SORCS3: variants seen among roughly 807,000 people sequenced by gnomAD.
SORCS3 encodes the protein sortilin related VPS10 domain containing receptor 3, also known as VPS10 domain-containing receptor SorCS3.
A neutral mutation model predicts 146.3 loss-of-function variants in SORCS3; 57 were observed. The ratio of observed to expected loss-of-function variants is 0.39; its 90% confidence interval spans 0.31 to 0.49. SORCS3 has a LOEUF of 0.49. Among genes scored for constraint, SORCS3 ranks in the 20% least tolerant of loss-of-function variants. The probability of loss-of-function intolerance (pLI) is 0.92; values close to 1 mark genes in which losing one functional copy is unlikely to be tolerated. For synonymous variants in SORCS3, 653 were observed against 618.5 expected (o/e 1.06, Z -0.83); for missense variants, 1,341 against 1,575.5 (o/e 0.85, Z 2.52).
intron 1 of SORCS3, among the ~76,000 whole-genome samples, chr10:104,713,882 G>A (rs1193195210): frequency 6.6e-6 from 1 of 152,060 alleles, no homozygotes; most frequent in African/African-American, 2.4e-5. Context: ...AAAGCATCAG[G>A]CCTGGTGATT....
intron 7 of SORCS3, among the ~76,000 whole-genome samples, chr10:105,122,606 G>A (rs2055942285): frequency 6.6e-6 from 1 of 152,200 alleles, no homozygotes; most frequent in Admixed American, 6.5e-5. Flanking sequence ...GCATGTGATA[G>A]TCACAAGACG....
At chr10:104,710,743 A>G (rs989188791) in intron 1 of SORCS3, among the ~76,000 whole-genome samples, 2 of 150,558 alleles carry the variant, frequency 1.3e-5, no homozygotes, top group Non-Finnish European at 1.5e-5. Flanking sequence ...TGTGGCTCAT[A>G]GGAGCTTTCT....
At chr10:104,886,126 T>C (rs1197380213) in intron 2 of SORCS3, among the ~76,000 whole-genome samples, 1 of 152,200 alleles carries the variant, frequency 6.6e-6, no homozygotes, top group Non-Finnish European at 1.5e-5. Flanking sequence ...CCATGCTCCA[T>C]AGTCCTTAAA....
intron 4 of SORCS3, among the ~76,000 whole-genome samples, chr10:105,021,979 G>A (rs1307410201): frequency 6.6e-6 from 1 of 152,168 alleles, no homozygotes; most frequent in African/African-American, 2.4e-5. Context: ...TTCCAACTAT[G>A]ACATTTTGGA....
At chr10:104,834,862 T>C (rs2018047958) in intron 1 of SORCS3, among the ~76,000 whole-genome samples, 1 of 152,010 alleles carries the variant, frequency 6.6e-6, no homozygotes, top group Admixed American at 6.6e-5. Flanking sequence ...GTCAATGTAG[T>C]ACACCCCAAC....
chr10:105,067,792 A>G (rs566287844), intron 5 of SORCS3, among the ~76,000 whole-genome samples: 2 of 151,862 alleles, frequency 1.3e-5, no homozygotes, highest in Non-Finnish European at 2.9e-5. Flanking sequence ...ACGGTTGTCT[A>G]CTTCCTTCAG....
intron 1 of SORCS3, among the ~76,000 whole-genome samples, chr10:104,692,445 G>A (rs2016124927): frequency 6.6e-6 from 1 of 152,124 alleles, no homozygotes; most frequent in Non-Finnish European, 1.5e-5. Flanking sequence ...TTGGACCATG[G>A]CTTATATTAC....
intron 1 of SORCS3, among the ~76,000 whole-genome samples, chr10:104,646,116 C>G (rs2015492668): frequency 6.6e-6 from 1 of 152,170 alleles, no homozygotes; most frequent in Non-Finnish European, 1.5e-5. Context: ...TGCTCCTGGT[C>G]ATTGTTGGTC....
chr10:104,899,315 G>A (rs2018828881), intron 2 of SORCS3, among the ~76,000 whole-genome samples: 1 of 152,142 alleles, frequency 6.6e-6, no homozygotes, highest in South Asian at 2.1e-4. Flanking sequence ...GGAGATTCCT[G>A]CCATATAAAA....
chr10:104,875,670 C>G (rs192630046), intron 2 of SORCS3, among the ~76,000 whole-genome samples: 1 of 152,138 alleles, frequency 6.6e-6, no homozygotes, highest in Admixed American at 6.5e-5. Context: ...CCCAGCTGCT[C>G]TAATGAAATT....
intron 5 of SORCS3, among the ~76,000 whole-genome samples, chr10:105,050,386 A>G (rs2055402469): frequency 6.6e-6 from 1 of 152,140 alleles, no homozygotes; most frequent in Non-Finnish European, 1.5e-5. Context: ...ACTTGCTCAA[A>G]GCAAGCTACC....
intron 8 of SORCS3, among the ~76,000 whole-genome samples, chr10:105,147,405 A>G (rs935418631): frequency 6.6e-6 from 1 of 152,144 alleles, no homozygotes; most frequent in African/African-American, 2.4e-5. Flanking sequence ...TATCAACCAA[A>G]GCCCCTAACA....
chr10:104,699,551 C>A (rs996669556), intron 1 of SORCS3, among the ~76,000 whole-genome samples: 2 of 151,974 alleles, frequency 1.3e-5, no homozygotes, highest in Non-Finnish European at 2.9e-5. Context: ...AATGGCAAGA[C>A]CATTGCAGAT....
chr10:104,790,245 A>C (rs2017480659), intron 1 of SORCS3, among the ~76,000 whole-genome samples: 1 of 152,264 alleles, frequency 6.6e-6, no homozygotes, highest in South Asian at 2.1e-4. Flanking sequence ...AAGCGCATTA[A>C]CTTAGGGCAG....
chr10:105,242,638 T>TTA (rs374501536), intron 20 of SORCS3, among the ~76,000 whole-genome samples: 1 of 95,996 alleles, frequency 1.0e-5, no homozygotes, highest in Non-Finnish European at 1.8e-5. Flanking sequence ...TTATATACAT[T>TTA]TATATATATA....
chr10:104,839,461 G>A (rs1449644570), intron 1 of SORCS3, among the ~76,000 whole-genome samples: 1 of 152,136 alleles, frequency 6.6e-6, no homozygotes, highest in Non-Finnish European at 1.5e-5. Context: ...AGAGATGTGA[G>A]GATGTGTTTG....
intron 7 of SORCS3, among the ~76,000 whole-genome samples, chr10:105,118,512 T>C (rs1222394380): frequency 6.6e-6 from 1 of 152,158 alleles, no homozygotes; most frequent in Non-Finnish European, 1.5e-5. Flanking sequence ...CCCCAAAATT[T>C]GGAAGTTATT....
intron 4 of SORCS3, among the ~76,000 whole-genome samples, chr10:105,014,502 G>A (rs1359994077): frequency 1.3e-5 from 2 of 152,116 alleles, no homozygotes; most frequent in Non-Finnish European, 2.9e-5. Flanking sequence ...TAAGCCATAA[G>A]CTTGGAAAAG....
At chr10:104,953,693 C>T (rs1747718120) in intron 3 of SORCS3, among the ~76,000 whole-genome samples, 1 of 152,190 alleles carries the variant, frequency 6.6e-6, no homozygotes, top group Non-Finnish European at 1.5e-5. Flanking sequence ...ACTTCCCTTT[C>T]TGCTCTGTAA....
Sources: allele counts gnomAD v4.1 joint callset (sites outside exome capture counted in the v4.1 genomes callset), GRCh38; gene constraint gnomAD v4.1.1; transcripts MANE v1.5; gene names NCBI Gene and HGNC (gene_info 2026-07-23, HGNC 2026-07-21).